Variants in MAGI2 observed in about 807,000 individuals in gnomAD.
MAGI2 encodes membrane-associated guanylate kinase, WW and PDZ domain-containing protein 2.
Under a neutral mutation model 133.3 loss-of-function variants are expected in MAGI2, and 35 were observed. That is an observed-to-expected ratio of 0.26 (90% CI 0.20 to 0.35). The LOEUF is 0.35. Among genes scored for constraint, MAGI2 ranks in the 10% least tolerant of loss-of-function variants. The pLI is 1.00. For missense variants in MAGI2, 1,636 were observed against 1,863.4 expected, an observed-to-expected ratio of 0.88 and a Z score of 2.25; for synonymous variants, 729 against 710.6, an observed-to-expected ratio of 1.03 and a Z score of -0.41.
chr7:78,478,742 AG>A (rs1218492253), intron 6 of MAGI2, among the ~76,000 whole-genome samples: 1 of 152,022 alleles, frequency 6.6e-6, no homozygotes, highest in Non-Finnish European at 1.5e-5. Context: ...GGCAGGAATT[AG>A]GAAATGAACC....
intron 21 of MAGI2, among the ~76,000 whole-genome samples, chr7:78,061,994 C>T (rs1197301142): frequency 6.6e-6 from 1 of 152,156 alleles, no homozygotes; most frequent in Non-Finnish European, 1.5e-5. Context: ...CAGAGCATGC[C>T]TGTTTCCAGA....
intron 9 of MAGI2, among the ~76,000 whole-genome samples, chr7:78,315,802 C>T (rs2151107023): frequency 6.6e-6 from 1 of 152,184 alleles, no homozygotes; most frequent in African/African-American, 2.4e-5. Flanking sequence ...TAAGTTTCTA[C>T]CTTTAGAATT....
intron 1 of MAGI2, among the ~76,000 whole-genome samples, chr7:79,173,452 A>G (rs1235555109): frequency 6.6e-6 from 1 of 151,988 alleles, no homozygotes; most frequent in Non-Finnish European, 1.5e-5. Flanking sequence ...CATCCTCCCA[A>G]GTAGCTGAGA....
At chr7:78,656,265 A>G (rs1812263675) in intron 2 of MAGI2, among the ~76,000 whole-genome samples, 1 of 152,108 alleles carries the variant, frequency 6.6e-6, no homozygotes, top group Non-Finnish European at 1.5e-5. Context: ...ATAGAATGGT[A>G]TTTTTCTCAT....
intron 1 of MAGI2, among the ~76,000 whole-genome samples, chr7:79,063,026 G>A (rs183664334): frequency 2.0e-5 from 3 of 152,172 alleles, no homozygotes; most frequent in Admixed American, 1.3e-4. Context: ...CCAATGAAAG[G>A]TCCATGCTGG....
At chr7:78,219,675 C>T (rs1181969558) in intron 10 of MAGI2, among the ~76,000 whole-genome samples, 1 of 152,196 alleles carries the variant, frequency 6.6e-6, no homozygotes, top group Non-Finnish European at 1.5e-5. Flanking sequence ...ACAACTTGCC[C>T]TTCTCCAACA....
At chr7:78,610,821 C>A (rs1333985922) in intron 3 of MAGI2, among the ~76,000 whole-genome samples, 2 of 151,978 alleles carry the variant, frequency 1.3e-5, no homozygotes. Flanking sequence ...CAAGGAGGCA[C>A]AAATAGAAGA....
intron 1 of MAGI2, among the ~76,000 whole-genome samples, chr7:79,246,359 G>A (rs1242489053): frequency 2.0e-5 from 3 of 152,168 alleles, no homozygotes; most frequent in Non-Finnish European, 4.4e-5. Context: ...CTCAGAGACA[G>A]ATTTCAAAAT....
At chr7:79,034,725 T>C (rs1810946329) in intron 1 of MAGI2, among the ~76,000 whole-genome samples, 1 of 151,758 alleles carries the variant, frequency 6.6e-6, no homozygotes, top group Non-Finnish European at 1.5e-5. Context: ...AGCAGGCAAA[T>C]GTGAAAAATC....
chr7:79,038,307 C>A (rs1295225269), intron 1 of MAGI2, among the ~76,000 whole-genome samples: 1 of 152,116 alleles, frequency 6.6e-6, no homozygotes, highest in Non-Finnish European at 1.5e-5. Flanking sequence ...TCCAAACAAG[C>A]TGAGAGTTTT....
intron 1 of MAGI2, among the ~76,000 whole-genome samples, chr7:79,027,115 A>G (rs1326115631): frequency 6.6e-6 from 1 of 151,982 alleles, no homozygotes; most frequent in East Asian, 1.9e-4. Flanking sequence ...GTAAATTAGT[A>G]CAGCTGTTAT....
chr7:79,133,944 T>G (rs991996482), intron 1 of MAGI2, among the ~76,000 whole-genome samples: 1 of 152,196 alleles, frequency 6.6e-6, no homozygotes, highest in African/African-American at 2.4e-5. Flanking sequence ...GAAACCTTTG[T>G]CTTTATAGAG....
rs147886422 is a variant in MAGI2 at position 78,609,619 on chromosome 7, T to C, written c.538+17501A>G. ...GCAGCTGCTTACCTGGTCATAGCTGTTATTGATGACTACCTTCTTCTACTA... is the reference window on the plus strand; with the variant it reads ...GCAGCTGCTTACCTGGTCATAGCTGCTATTGATGACTACCTTCTTCTACTA... On this transcript the variant is annotated intron_variant, in intron 3 of 21. Coordinates refer to ENST00000354212, the MANE Select transcript of MAGI2 (RefSeq NM_012301.4). Among the ~76,000 whole-genome samples, 1,186 of 152,304 alleles carry C rather than the reference T, an allele frequency of 7.8e-3. 12 individuals carry two copies. The highest frequency in any genetic ancestry group is 0.019 in the African/African-American group (779 of 41,566).
chr7:79,333,353 C>T (rs1482025458), intron 1 of MAGI2, among the ~76,000 whole-genome samples: 2 of 152,084 alleles, frequency 1.3e-5, no homozygotes, highest in African/African-American at 2.4e-5. Context: ...GTCTCAAACT[C>T]CTGACCTCTT....
At chr7:79,018,375 C>G (rs906086066) in intron 1 of MAGI2, among the ~76,000 whole-genome samples, 4 of 152,156 alleles carry the variant, frequency 2.6e-5, no homozygotes, top group Admixed American at 2.6e-4. Context: ...TCAGACCTGC[C>G]TTTCAAGAGA....
At chr7:78,829,577 T>G (rs2151439745) in intron 2 of MAGI2, among the ~76,000 whole-genome samples, 1 of 152,206 alleles carries the variant, frequency 6.6e-6, no homozygotes, top group East Asian at 1.9e-4. Context: ...TCCCTGACAC[T>G]TATCAAAAAG....
intron 6 of MAGI2, among the ~76,000 whole-genome samples, chr7:78,434,129 A>T (rs1207705815): frequency 2.6e-5 from 4 of 152,188 alleles, no homozygotes; most frequent in Non-Finnish European, 5.9e-5. Flanking sequence ...ATCAAAGCCT[A>T]AGTACTTAGC....
At chr7:78,557,900 T>C (rs748515812) in intron 3 of MAGI2, among the ~76,000 whole-genome samples, 1 of 152,156 alleles carries the variant, frequency 6.6e-6, no homozygotes, top group Non-Finnish European at 1.5e-5. Flanking sequence ...AGCACAAATG[T>C]CATCTCTATA....
intron 2 of MAGI2, among the ~76,000 whole-genome samples, chr7:78,886,250 T>C (rs1796256324): frequency 6.6e-6 from 1 of 152,206 alleles, no homozygotes; most frequent in Admixed American, 6.5e-5. Context: ...GGGACAAATA[T>C]TTTAAATACT....
Sources: allele counts gnomAD v4.1 joint callset (sites outside exome capture counted in the v4.1 genomes callset), GRCh38; gene constraint gnomAD v4.1.1; transcripts MANE v1.5; gene names NCBI Gene and HGNC (gene_info 2026-07-23, HGNC 2026-07-21).